SCD5: variants seen among roughly 807,000 people sequenced by gnomAD.
SCD5 encodes the protein acyl-CoA-desaturase 4.
In SCD5, 20 loss-of-function variants were observed where a neutral mutation model predicts 30.4. The observed-to-expected ratio is 0.66, with a 90% confidence interval of 0.46 to 0.96. SCD5 has a LOEUF of 0.96. Among genes scored for constraint, SCD5 ranks in the 40% least tolerant of loss-of-function variants. The pLI, the probability that SCD5 is intolerant of heterozygous loss-of-function variation, is 0.00. For synonymous variants in SCD5, 173 were observed against 176.4 expected, an observed-to-expected ratio of 0.98 and a Z score of 0.16; for missense variants, 381 against 443.3, an observed-to-expected ratio of 0.86 and a Z score of 1.26.
At chr4:82,658,630 C>CT (rs57727794) in intron 3 of SCD5, among the ~76,000 whole-genome samples, 1,391 of 116,654 alleles carry the variant, frequency 0.012, 112 homozygotes, top group African/African-American at 0.022. Context: ...CCACACCTGG[C>CT]TTTTTTTTTT....
chr4:82,737,563 T>C (rs1720777844), intron 1 of SCD5, among the ~76,000 whole-genome samples: 1 of 152,152 alleles, frequency 6.6e-6, no homozygotes, highest in South Asian at 2.1e-4. Context: ...CCTCATAAAT[T>C]TTCCTGAAGA....
At chr4:82,657,964 G>T (rs28794821) in intron 3 of SCD5, among the ~76,000 whole-genome samples, 88,342 of 152,048 alleles carry the variant, frequency 0.58, 26,193 homozygotes, top group Admixed American at 0.69. Context: ...AAACATCGCT[G>T]AAGTTGCTTA....
intron 4 of SCD5, among the ~76,000 whole-genome samples, chr4:82,633,402 A>T (rs1485220761): frequency 6.6e-6 from 1 of 152,158 alleles, no homozygotes; most frequent in Non-Finnish European, 1.5e-5. Context: ...ACTTAATTTG[A>T]TTGCACATCT....
Position 82,680,893 on chromosome 4 carries a change from G to A in SCD5, c.383C>T (p.Ser128Phe). The change falls in exon 3 of 5, where the codon TCC (serine) becomes TTC (phenylalanine). Residue 128 changes from serine (S) to phenylalanine (F), a missense_variant. Transcript: ENST00000319540. ...CTTGTGGTGGGCTCGGTGGTCCCTG[G>A]ACCACTCGAAGATGTCATTCTGCAG... is the stretch of plus-strand genomic sequence containing the variant. The part of the protein sequence containing the change: ...MAFQNDIFEW[S>F]RDHRAHHKYS... 1 of 1,609,944 alleles carries A rather than the reference G, an allele frequency of 6.2e-7. No individual in the cohort carries two copies.
In SCD5 at chr4:82,785,011, T is replaced by C. The variant is rs1174015176; in HGVS notation, c.232+13295A>G. On this transcript the variant is annotated intron_variant, in intron 1 of 4. Coordinates refer to ENST00000319540, the MANE Select transcript of SCD5 (RefSeq NM_001037582.3). ...ACTAATGGAAGCCCAGCTCTGTCTG[T>C]AGGGAATATTAGCTCTAATAGCTGT... Among the ~76,000 whole-genome samples, 7 of 152,214 alleles carry C rather than the reference T, an allele frequency of 4.6e-5. No homozygotes were observed. In the South Asian group the frequency reaches 1.0e-3, roughly 23 times the overall value.
chr4:82,699,819 G>A lies in SCD5; in HGVS notation c.363+5464C>T, dbSNP rs192613707. ...TGGGACTACAGGTGCACGCCACCAC[G>A]CCTGGCTAATTTTTGTATTTTTAGT... is the stretch of plus-strand genomic sequence containing the variant. On this transcript the variant is annotated intron_variant, in intron 2 of 4. Coordinates refer to ENST00000319540, the MANE Select transcript of SCD5 (RefSeq NM_001037582.3). 3.3e-5 allele frequency among the ~76,000 whole-genome samples: 5 copies of A among 151,738 alleles called. No individual in the cohort carries two copies. In the East Asian group the frequency reaches 5.9e-4, roughly 18 times the overall value.
intron 3 of SCD5, among the ~76,000 whole-genome samples, chr4:82,651,544 T>A (rs1337353273): frequency 6.6e-6 from 1 of 152,038 alleles, no homozygotes; most frequent in South Asian, 2.1e-4. Flanking sequence ...TGCACCAAAA[T>A]CTCAGAAATC....
chr4:82,661,785 A>G (rs1012838301), intron 3 of SCD5, among the ~76,000 whole-genome samples: 28 of 152,226 alleles, frequency 1.8e-4, no homozygotes, highest in African/African-American at 6.5e-4. Context: ...GGTGACATTC[A>G]TGAATTATGG....
At chr4:82,780,378 T>C (rs1422895410) in intron 1 of SCD5, among the ~76,000 whole-genome samples, 1 of 152,190 alleles carries the variant, frequency 6.6e-6, no homozygotes, top group Non-Finnish European at 1.5e-5. Context: ...TCTCCCCTTC[T>C]AGATCTCGTG....
At chr4:82,714,115 T>C (rs1240496801) in intron 1 of SCD5, among the ~76,000 whole-genome samples, 1 of 152,180 alleles carries the variant, frequency 6.6e-6, no homozygotes. Flanking sequence ...CCGCCCCACA[T>C]ACTTACATTA....
chr4:82,631,572 G>A, intron 4 of SCD5, 55 bp from the exon 5 acceptor site: 2 of 1,559,616 alleles, frequency 1.3e-6, no homozygotes, highest in Admixed American at 1.7e-5. Context: ...CTGCATAGAT[G>A]TTTTGAATCA....
Position 82,745,710 on chromosome 4 carries a change from T to C in SCD5, c.233-40297A>G, listed in dbSNP as rs941481726. Among the ~76,000 whole-genome samples, 49 of 152,192 alleles carry C rather than the reference T, an allele frequency of 3.2e-4. 1 individual carries two copies. Among genetic ancestry groups the C allele is most frequent in the African/African-American group, 1.2e-3 (48 of 41,444 alleles). On this transcript the variant is annotated intron_variant, in intron 1 of 4. Transcript: ENST00000319540. ...CTTTGTGTTGGTACCCATTATAAAG[T>C]GGTGAGATCATTTCATGAATCACAC...
intron 3 of SCD5, among the ~76,000 whole-genome samples, chr4:82,646,292 A>AGAGG (rs1462331317): frequency 6.6e-6 from 1 of 152,234 alleles, no homozygotes; most frequent in Non-Finnish European, 1.5e-5. Context: ...ACACTTATTT[A>AGAGG]GAGGACAAAT....
chr4:82,765,974 G>A (rs1428221960), intron 1 of SCD5, among the ~76,000 whole-genome samples: 2 of 152,184 alleles, frequency 1.3e-5, no homozygotes, highest in Non-Finnish European at 2.9e-5. Context: ...CAGAACCCAT[G>A]AATACAGAGG....
intron 1 of SCD5, among the ~76,000 whole-genome samples, chr4:82,787,284 C>T (rs942625154): frequency 2.0e-5 from 3 of 151,750 alleles, no homozygotes; most frequent in Admixed American, 2.0e-4. Flanking sequence ...TGGTAAAGAA[C>T]ACATTCTAAG....
chr4:82,776,436 C>A (rs1455079915), intron 1 of SCD5, among the ~76,000 whole-genome samples: 7 of 152,304 alleles, frequency 4.6e-5, no homozygotes, highest in African/African-American at 1.7e-4. Context: ...TGAAGACTGT[C>A]TAGGAGAGCA....
chr4:82,682,036 A>G (rs1310338343), intron 2 of SCD5, among the ~76,000 whole-genome samples: 1 of 152,238 alleles, frequency 6.6e-6, no homozygotes, highest in Non-Finnish European at 1.5e-5. Flanking sequence ...AGAGTGTAAC[A>G]GAAACAGAAG....
At chr4:82,754,268 A>T (rs1024318290) in intron 1 of SCD5, among the ~76,000 whole-genome samples, 9 of 152,190 alleles carry the variant, frequency 5.9e-5, no homozygotes, top group Admixed American at 5.9e-4. Flanking sequence ...GGAAGAGAGA[A>T]ATGTGCAGAT....
chr4:82,730,206 T>C (rs148773924), intron 1 of SCD5, among the ~76,000 whole-genome samples: 5 of 147,642 alleles, frequency 3.4e-5, no homozygotes, highest in Admixed American at 2.7e-4. Flanking sequence ...TATATTTTTA[T>C]ATAATACATA....
Sources: gnomAD v4.1 joint callset for allele counts (sites outside exome capture counted in the v4.1 genomes callset) on GRCh38, gnomAD v4.1.1 for gene constraint, MANE v1.5 for transcripts, NCBI Gene and HGNC (gene_info 2026-07-23, HGNC 2026-07-21) for gene names.